The following CTNNA2 variants were observed in gnomAD, a reference collection of about 807,000 sequenced individuals.
CTNNA2 encodes the protein catenin alpha 2.
Under a neutral mutation model 101.0 loss-of-function variants are expected in CTNNA2, and 42 were observed. That is an observed-to-expected ratio of 0.42 (90% confidence interval 0.32 to 0.54). The LOEUF is 0.54. Ranked by LOEUF, CTNNA2 falls within the 20% of genes least tolerant of loss-of-function variation. The pLI is 0.14. For synonymous variants in CTNNA2, 450 were observed against 456.4 expected (o/e 0.99, Z 0.18); for missense variants, 871 against 1,223.1 (o/e 0.71, Z 4.29).
chr2:80,025,535 C>T (rs1307000142), intron 7 of CTNNA2, among the ~76,000 whole-genome samples: 1 of 152,162 alleles, frequency 6.6e-6, no homozygotes, highest in African/African-American at 2.4e-5. Context: ...TAGAGGAAAA[C>T]AAGGTGTATT....
chr2:79,908,908 C>T (rs1488045654), intron 6 of CTNNA2, among the ~76,000 whole-genome samples: 1 of 152,296 alleles, frequency 6.6e-6, no homozygotes, highest in Non-Finnish European at 1.5e-5. Flanking sequence ...TGGGGAAATG[C>T]TAAGCTCATG....
chr2:79,746,418 G>A (rs1671650872), intron 3 of CTNNA2, among the ~76,000 whole-genome samples: 1 of 152,108 alleles, frequency 6.6e-6, no homozygotes, highest in African/African-American at 2.4e-5. Flanking sequence ...GTAGTCCTAT[G>A]CAGCATTGTA....
At position 79,623,655 on chromosome 2, in the gene CTNNA2, C is replaced by G. The variant is rs62140098; in HGVS notation, c.-5-27897C>G. 4.5e-3 allele frequency among the ~76,000 whole-genome samples: 679 copies of G among 152,114 alleles called. 4 individuals are homozygous for G. The highest frequency in any genetic ancestry group is 6.8e-3 in the Non-Finnish European group (464 of 68,006). On this transcript the variant is annotated intron_variant, in intron 1 of 18. Coordinates refer to ENST00000402739, the MANE Select transcript of CTNNA2 (RefSeq NM_001282597.3). The stretch of plus-strand genomic sequence containing the variant: ...TTATTCAAATTGTTAGAATATAGAC[C>G]TGTAATCTCAAGTAATTGATGTCCC...
At chr2:79,493,427 C>A (rs1671223948) in intron 4 of CTNNA2, among the ~76,000 whole-genome samples, 1 of 152,122 alleles carries the variant, frequency 6.6e-6, no homozygotes, top group Non-Finnish European at 1.5e-5. Flanking sequence ...ACCAGCCTGG[C>A]CAATATGGTG....
intron 3 of CTNNA2, among the ~76,000 whole-genome samples, chr2:79,804,249 A>T (rs1299998168): frequency 1.3e-5 from 2 of 152,194 alleles, no homozygotes; most frequent in East Asian, 1.9e-4. Context: ...ATATATTGCC[A>T]ATATTTAAAA....
intron 3 of CTNNA2, among the ~76,000 whole-genome samples, chr2:79,833,708 A>G (rs1275585498): frequency 6.6e-6 from 1 of 152,196 alleles, no homozygotes; most frequent in Non-Finnish European, 1.5e-5. Context: ...AACAAGACAA[A>G]CAGATATTCT....
chr2:79,455,686 G>T (rs2104530733), intron 4 of CTNNA2, among the ~76,000 whole-genome samples: 2 of 152,244 alleles, frequency 1.3e-5, no homozygotes, highest in Non-Finnish European at 2.9e-5. Context: ...GGTAATCAAA[G>T]AAATAGTCGT....
At chr2:79,945,703 A>G (rs1324618460) in intron 7 of CTNNA2, among the ~76,000 whole-genome samples, 2 of 152,186 alleles carry the variant, frequency 1.3e-5, no homozygotes, top group Non-Finnish European at 2.9e-5. Flanking sequence ...TTAGTCCTGG[A>G]GATGAATAGT....
intron 4 of CTNNA2, among the ~76,000 whole-genome samples, chr2:79,480,513 T>C (rs1351492227): frequency 6.6e-6 from 1 of 152,226 alleles, no homozygotes; most frequent in African/African-American, 2.4e-5. Context: ...TATATTAACA[T>C]TGTACTGTCT....
At position 79,717,550 on chromosome 2, in the gene CTNNA2, A is replaced by G. The variant is rs115094066; in HGVS notation, c.103-26837A>G. ...ACTGGAGGGATTCCTAGGTGGCTGG[A>G]GCTTGACCCGATCATTCCTAAGATT... On this transcript the variant is annotated intron_variant, in intron 2 of 18. Coordinates refer to ENST00000402739, the MANE Select transcript of CTNNA2 (RefSeq NM_001282597.3). Among the ~76,000 whole-genome samples the G allele has an allele frequency of 6.2e-3, 940 of 152,246 alleles. 7 individuals carry two copies. The highest frequency in any genetic ancestry group is 0.02 in the African/African-American group (848 of 41,560).
At chr2:80,496,039 C>T (rs956601949) in intron 9 of CTNNA2, among the ~76,000 whole-genome samples, 1 of 148,926 alleles carries the variant, frequency 6.7e-6, no homozygotes, top group African/African-American at 2.5e-5. Flanking sequence ...TAGAGTGACA[C>T]AGCTGCAAGT....
chr2:79,555,505 C>T (rs1450594902), intron 1 of CTNNA2, among the ~76,000 whole-genome samples: 1 of 152,066 alleles, frequency 6.6e-6, no homozygotes, highest in East Asian at 1.9e-4. Flanking sequence ...AAGAAATTTC[C>T]TGTGTTTTAA....
chr2:80,424,254 C>T (rs924155420), intron 9 of CTNNA2, among the ~76,000 whole-genome samples: 1 of 152,120 alleles, frequency 6.6e-6, no homozygotes, highest in African/African-American at 2.4e-5. Context: ...GTGCCCGGCC[C>T]AGCAAACATT....
At chr2:80,438,420 A>G (rs941771712) in intron 9 of CTNNA2, among the ~76,000 whole-genome samples, 6 of 139,800 alleles carry the variant, frequency 4.3e-5, no homozygotes, top group East Asian at 2.1e-4. Context: ...TTTGTTTGTT[A>G]GTTTTTTTGT....
At chr2:79,940,056 C>T (rs528909884) in intron 7 of CTNNA2, among the ~76,000 whole-genome samples, 4 of 151,998 alleles carry the variant, frequency 2.6e-5, no homozygotes, top group Non-Finnish European at 5.9e-5. Flanking sequence ...TGCACCATTC[C>T]GTCTCAAACA....
intron 6 of CTNNA2, among the ~76,000 whole-genome samples, chr2:79,877,440 G>T (rs1457337493): frequency 6.6e-6 from 1 of 152,050 alleles, no homozygotes; most frequent in African/African-American, 2.4e-5. Flanking sequence ...AGTAGTTAAT[G>T]ATACTTGAAA....
intron 3 of CTNNA2, among the ~76,000 whole-genome samples, chr2:79,774,115 G>A (rs1242348103): frequency 6.6e-6 from 1 of 152,190 alleles, no homozygotes; most frequent in Admixed American, 6.5e-5. Context: ...GGTTGTGGCA[G>A]AAGTGACACT....
At chr2:79,667,750 A>G (rs1240607046) in intron 2 of CTNNA2, among the ~76,000 whole-genome samples, 1 of 152,242 alleles carries the variant, frequency 6.6e-6, no homozygotes, top group East Asian at 1.9e-4. Flanking sequence ...AGCATAATCA[A>G]TCCTAGCATA....
At chr2:80,203,835 T>C (rs1017023813) in intron 7 of CTNNA2, among the ~76,000 whole-genome samples, 5 of 152,180 alleles carry the variant, frequency 3.3e-5, no homozygotes, top group African/African-American at 1.2e-4. Flanking sequence ...TCTATGAGGG[T>C]CCCACCCCTG....
Sources: gnomAD v4.1 joint callset for allele counts (sites outside exome capture counted in the v4.1 genomes callset) on GRCh38, gnomAD v4.1.1 for gene constraint, MANE v1.5 for transcripts, NCBI Gene and HGNC (gene_info 2026-07-23, HGNC 2026-07-21) for gene names.